PLA2G4A: variants seen among roughly 807,000 people sequenced by gnomAD.
PLA2G4A encodes the protein cytosolic phospholipase A2.
In PLA2G4A, 40 loss-of-function variants were observed where a neutral mutation model predicts 81.9. That is an observed-to-expected ratio of 0.49 (90% CI 0.38 to 0.64). The LOEUF is 0.64. Among genes scored for constraint, PLA2G4A ranks in the 30% least tolerant of loss-of-function variants. The probability of loss-of-function intolerance (pLI) is 0.00; values close to 1 mark genes in which losing one functional copy is unlikely to be tolerated. For missense variants in PLA2G4A, 715 were observed against 905.1 expected (o/e 0.79, Z 2.69); for synonymous variants, 302 against 296.9 (o/e 1.02, Z -0.18).
chr1:186,876,066 A>G (rs1332811769), intron 3 of PLA2G4A, among the ~76,000 whole-genome samples: 2 of 152,136 alleles, frequency 1.3e-5, no homozygotes, highest in African/African-American at 4.8e-5. Context: ...CCTTGAGGAA[A>G]GAAGGAACCC....
chr1:186,870,707 A>G, intron 3 of PLA2G4A, 191 bp downstream of exon 3: 1 of 1,505,468 alleles, frequency 6.6e-7, no homozygotes. Context: ...TGGGCCTTAA[A>G]TTAGCCAAAG....
intron 1 of PLA2G4A, among the ~76,000 whole-genome samples, chr1:186,834,574 A>T (rs1651712933): frequency 6.6e-6 from 1 of 152,126 alleles, no homozygotes; most frequent in Non-Finnish European, 1.5e-5. Context: ...TTCCATAATA[A>T]CTCAATCGTT....
intron 3 of PLA2G4A, among the ~76,000 whole-genome samples, chr1:186,892,059 T>C (rs1015613109): frequency 2.6e-5 from 4 of 152,218 alleles, no homozygotes; most frequent in African/African-American, 4.8e-5. Flanking sequence ...TCAGCACTTT[T>C]CATATGCTTG....
At chr1:186,882,713 A>G (rs970876355) in intron 3 of PLA2G4A, among the ~76,000 whole-genome samples, 2 of 152,138 alleles carry the variant, frequency 1.3e-5, no homozygotes, top group African/African-American at 4.8e-5. Flanking sequence ...TTGTGGTTGC[A>G]TTATAGAAGG....
intron 3 of PLA2G4A, among the ~76,000 whole-genome samples, chr1:186,884,049 A>G (rs539140407): frequency 2.2e-4 from 34 of 152,254 alleles, no homozygotes; most frequent in South Asian, 4.1e-4. Context: ...GGCAAAACCA[A>G]TATTTACAGA....
At chr1:186,834,007 C>T (rs776803474) in intron 1 of PLA2G4A, among the ~76,000 whole-genome samples, 1 of 152,154 alleles carries the variant, frequency 6.6e-6, no homozygotes, top group Non-Finnish European at 1.5e-5. Flanking sequence ...CCCCAATCTT[C>T]CTCTTCATTT....
chr1:186,886,350 T>A (rs1653938096), intron 3 of PLA2G4A, among the ~76,000 whole-genome samples: 1 of 152,088 alleles, frequency 6.6e-6, no homozygotes, highest in Non-Finnish European at 1.5e-5. Context: ...GTATTCCCAA[T>A]AAATAATGCT....
chr1:186,944,776 G>A (rs1211240704), intron 10 of PLA2G4A, among the ~76,000 whole-genome samples: 1 of 152,082 alleles, frequency 6.6e-6, no homozygotes, highest in Non-Finnish European at 1.5e-5. Context: ...GAGATATAAA[G>A]ATACTCATAT....
intron 15 of PLA2G4A, among the ~76,000 whole-genome samples, chr1:186,966,278 G>A (rs1437767290): frequency 1.3e-5 from 2 of 151,998 alleles, no homozygotes; most frequent in African/African-American, 4.8e-5. Flanking sequence ...CTGATGGCTA[G>A]GAGTCGTTAA....
chr1:186,830,573 A>G (rs1651511608), intron 1 of PLA2G4A, among the ~76,000 whole-genome samples: 1 of 133,982 alleles, frequency 7.5e-6, no homozygotes, highest in Non-Finnish European at 1.5e-5. Flanking sequence ...GCGCCATTGC[A>G]CTCCTGCCTG....
intron 3 of PLA2G4A, among the ~76,000 whole-genome samples, chr1:186,872,841 T>C (rs1273624370): frequency 6.6e-6 from 1 of 152,244 alleles, no homozygotes. Context: ...TTCCCCACAG[T>C]GTACATAACA....
intron 17 of PLA2G4A, among the ~76,000 whole-genome samples, chr1:186,980,836 T>C (rs1256044363): frequency 1.3e-5 from 2 of 152,192 alleles, no homozygotes; most frequent in Non-Finnish European, 2.9e-5. Flanking sequence ...CTAAAATTCT[T>C]TTTTTCAGCC....
In PLA2G4A at chr1:186,932,902, T is replaced by C. The variant is rs781750958; in HGVS notation, c.695+3T>C. On this transcript the variant is annotated splice_donor_region_variant and intron_variant, in intron 8 of 17. Coordinates refer to ENST00000367466, the MANE Select transcript of PLA2G4A (RefSeq NM_024420.3). ...GCTGGTCTTTCTGGCTCCACCTGGT[T>C]AGTATACATTTTTAATTTTAGTTTT... The C allele has an allele frequency of 2.5e-6, 4 of 1,603,174 alleles. No individual in the cohort carries two copies. The highest frequency in any genetic ancestry group is 2.2e-5 in the South Asian group (2 of 90,702).
intron 5 of PLA2G4A, among the ~76,000 whole-genome samples, chr1:186,894,936 AC>A (rs1359158077): frequency 1.3e-5 from 2 of 152,144 alleles, no homozygotes; most frequent in African/African-American, 4.8e-5. Context: ...TGGTTACCAT[AC>A]TAATTTCTTG....
chr1:186,884,523 G>A (rs59156895), intron 3 of PLA2G4A, among the ~76,000 whole-genome samples: 4,968 of 152,086 alleles, frequency 0.033, 268 homozygotes, highest in African/African-American at 0.11. Flanking sequence ...TTTTTTAAAT[G>A]TCTAGAGGAA....
chr1:186,905,401 G>GAA (rs5779309), intron 5 of PLA2G4A, among the ~76,000 whole-genome samples: 29 of 150,168 alleles, frequency 1.9e-4, no homozygotes, highest in East Asian at 1.2e-3. Flanking sequence ...TGTATTTCTT[G>GAA]AAAAAAAAAG....
At chr1:186,895,077 A>T (rs574137390) in intron 5 of PLA2G4A, among the ~76,000 whole-genome samples, 1 of 152,226 alleles carries the variant, frequency 6.6e-6, no homozygotes, top group Non-Finnish European at 1.5e-5. Flanking sequence ...GTCCCAAATG[A>T]GTCTTCCTCC....
At chr1:186,929,840 T>A (rs1571411710) in intron 7 of PLA2G4A, among the ~76,000 whole-genome samples, 1 of 152,296 alleles carries the variant, frequency 6.6e-6, no homozygotes, top group Middle Eastern at 3.4e-3. Context: ...GGTGGGCAGA[T>A]CCCTTGAGCC....
At chr1:186,979,267 T>C in intron 16 of PLA2G4A, 48 bp from the exon 17 acceptor site, 1 of 1,391,434 alleles carries the variant, frequency 7.2e-7, no homozygotes, top group African/African-American at 1.4e-5. Flanking sequence ...TTTAGAGATA[T>C]TTTGTAGTTT....
Sources: gnomAD v4.1 joint callset for allele counts (sites outside exome capture counted in the v4.1 genomes callset) on GRCh38, gnomAD v4.1.1 for gene constraint, MANE v1.5 for transcripts, NCBI Gene and HGNC (gene_info 2026-07-23, HGNC 2026-07-21) for gene names.